The following NDST3 variants were observed in gnomAD, a reference collection of about 807,000 sequenced individuals.
The protein encoded by NDST3 is N-deacetylase and N-sulfotransferase 3, also known as bifunctional heparan sulfate N-deacetylase/N-sulfotransferase 3.
In NDST3, 58 loss-of-function variants were observed where a neutral mutation model predicts 96.1. That is an observed-to-expected ratio of 0.60 (90% CI 0.49 to 0.75). The LOEUF is 0.75. Among genes scored for constraint, NDST3 ranks in the 30% least tolerant of loss-of-function variants. The pLI, the probability that NDST3 is intolerant of heterozygous loss-of-function variation, is 0.00. For synonymous variants in NDST3, 333 were observed against 359.7 expected (o/e 0.93, Z 0.84); for missense variants, 788 against 1,034.2 (o/e 0.76, Z 3.27).
chr4:118,035,478 C>A (rs1724100370), intron 1 of NDST3, among the ~76,000 whole-genome samples: 1 of 147,218 alleles, frequency 6.8e-6, no homozygotes. Context: ...ATGTTATCAA[C>A]TACTGAGCAA....
At chr4:118,061,314 T>C (rs1329839616) in intron 2 of NDST3, among the ~76,000 whole-genome samples, 1 of 152,168 alleles carries the variant, frequency 6.6e-6, no homozygotes. Flanking sequence ...TGAAGTCTTC[T>C]CTGACCATTC....
chr4:118,146,855 T>C (rs1033912640), intron 6 of NDST3, among the ~76,000 whole-genome samples: 2 of 152,134 alleles, frequency 1.3e-5, no homozygotes, highest in Non-Finnish European at 2.9e-5. Flanking sequence ...CCTGGAACCA[T>C]TGAGATTTCC....
chr4:118,188,722 T>A (rs911068459), intron 6 of NDST3, among the ~76,000 whole-genome samples: 9 of 152,320 alleles, frequency 5.9e-5, no homozygotes, highest in Admixed American at 3.3e-4. Flanking sequence ...CCAGGCTTCA[T>A]AATATGATCC....
At chr4:118,082,307 C>A (rs1273877485) in intron 2 of NDST3, among the ~76,000 whole-genome samples, 3 of 152,124 alleles carry the variant, frequency 2.0e-5, no homozygotes, top group Admixed American at 1.3e-4. Flanking sequence ...AACAAGTCAC[C>A]CTGACATAGT....
intron 12 of NDST3, among the ~76,000 whole-genome samples, chr4:118,246,355 C>T (rs112839231): frequency 0.055 from 8,296 of 152,206 alleles, 431 homozygotes; most frequent in African/African-American, 0.14. Flanking sequence ...CCTGTAATCC[C>T]AGCACTTTGC....
chr4:118,110,385 C>G (rs1336673888), intron 3 of NDST3, among the ~76,000 whole-genome samples: 1 of 152,172 alleles, frequency 6.6e-6, no homozygotes, highest in Non-Finnish European at 1.5e-5. Context: ...AATTCAGGCT[C>G]TGTCTCAAAC....
chr4:118,150,894 C>A (rs1734345000), intron 6 of NDST3, among the ~76,000 whole-genome samples: 1 of 152,086 alleles, frequency 6.6e-6, no homozygotes, highest in East Asian at 1.9e-4. Flanking sequence ...TGGGTATATA[C>A]CCAAAGGACT....
chr4:118,045,241 A>G (rs1724695977), intron 1 of NDST3, among the ~76,000 whole-genome samples: 1 of 151,930 alleles, frequency 6.6e-6, no homozygotes, highest in African/African-American at 2.4e-5. Flanking sequence ...TCAAGGCTCT[A>G]CCCAAATCCT....
rs201978698 is a variant in NDST3 at position 118,255,710 on chromosome 4, T to G, written c.2620T>G (p.Ter874GluextTer2). ...WLRQELQKVR[*>E] ...GAGACAGGAGCTGCAGAAAGTAAGATAGCACTGAGAGAAAACTTGAGACTT... is the reference window on the plus strand; with the variant it reads ...GAGACAGGAGCTGCAGAAAGTAAGAGAGCACTGAGAGAAAACTTGAGACTT... Residue 874 changes from the stop codon to glutamate (E), a stop_lost, in exon 14 of 14, where the codon TAG becomes GAG. Coordinates refer to ENST00000296499, the MANE Select transcript of NDST3 (RefSeq NM_004784.3). The G allele has an allele frequency of 5.0e-6, 8 of 1,609,230 alleles. No homozygotes were observed. The highest frequency in any genetic ancestry group is 1.7e-5 in the Admixed American group (1 of 59,206).
intron 1 of NDST3, among the ~76,000 whole-genome samples, chr4:118,035,652 T>A (rs1724109991): frequency 6.6e-6 from 1 of 152,026 alleles, no homozygotes; most frequent in South Asian, 2.1e-4. Flanking sequence ...GGCTCCTTTT[T>A]AAAATAGTAC....
intron 6 of NDST3, among the ~76,000 whole-genome samples, chr4:118,147,910 T>C (rs547042889): frequency 1.3e-5 from 2 of 152,312 alleles, no homozygotes; most frequent in South Asian, 2.1e-4. Flanking sequence ...TTAACAACTA[T>C]AGATATAGAA....
intron 1 of NDST3, among the ~76,000 whole-genome samples, chr4:118,040,929 TG>T (rs1724426651): frequency 6.7e-6 from 1 of 148,792 alleles, no homozygotes; most frequent in African/African-American, 2.5e-5. Context: ...GTATATTTTT[TG>T]TAGAGATGGG....
intron 4 of NDST3, among the ~76,000 whole-genome samples, chr4:118,135,767 G>T (rs906849975): frequency 6.6e-6 from 1 of 152,166 alleles, no homozygotes; most frequent in Non-Finnish European, 1.5e-5. Context: ...GTGTGCATTT[G>T]TAGTCCTAAC....
At chr4:118,144,136 C>T (rs1358854990) in intron 6 of NDST3, among the ~76,000 whole-genome samples, 2 of 151,614 alleles carry the variant, frequency 1.3e-5, no homozygotes. Flanking sequence ...ATGTTAGATT[C>T]GTCTTGCTAG....
rs146655562 is a variant in NDST3 at position 118,045,791 on chromosome 4, A to G, written c.-155-7965A>G. 2.8e-3 allele frequency among the ~76,000 whole-genome samples: 425 copies of G among 152,268 alleles called. 2 individuals are homozygous for G. Among genetic ancestry groups the G allele is most frequent in the African/African-American group, 9.8e-3 (409 of 41,528 alleles). On this transcript the variant is annotated intron_variant, in intron 1 of 13. Transcript: ENST00000296499. ...TAATCTTATGACAAACACTAAATACAGTATTTTTCACCTGTGCTTGTTGTT... is the reference window on the plus strand; with the variant it reads ...TAATCTTATGACAAACACTAAATACGGTATTTTTCACCTGTGCTTGTTGTT...
At chr4:118,064,631 T>C (rs1337884699) in intron 2 of NDST3, among the ~76,000 whole-genome samples, 1 of 152,180 alleles carries the variant, frequency 6.6e-6, no homozygotes, top group Non-Finnish European at 1.5e-5. Context: ...TTAATAGTTA[T>C]AATGATTATA....
intron 2 of NDST3, among the ~76,000 whole-genome samples, chr4:118,082,723 G>GT (rs1159882625): frequency 2.6e-5 from 4 of 152,144 alleles, no homozygotes; most frequent in Non-Finnish European, 4.4e-5. Context: ...ATGCATAAAT[G>GT]TAAGAGTACT....
intron 6 of NDST3, among the ~76,000 whole-genome samples, chr4:118,177,304 C>A (rs923250822): frequency 6.6e-6 from 1 of 151,942 alleles, no homozygotes; most frequent in African/African-American, 2.4e-5. Flanking sequence ...GCCTCTTTCT[C>A]ATTAAAATGG....
At chr4:118,196,319 G>C (rs1408366233) in intron 6 of NDST3, among the ~76,000 whole-genome samples, 1 of 152,088 alleles carries the variant, frequency 6.6e-6, no homozygotes, top group African/African-American at 2.4e-5. Flanking sequence ...TTTTTGATGT[G>C]TCTATGTCTG....
Sources: allele counts gnomAD v4.1 joint callset (sites outside exome capture counted in the v4.1 genomes callset), GRCh38; gene constraint gnomAD v4.1.1; transcripts MANE v1.5; gene names NCBI Gene and HGNC (gene_info 2026-07-23, HGNC 2026-07-21).